Variants in SNAP91 observed in about 807,000 individuals in gnomAD.
SNAP91 encodes the protein clathrin coat assembly protein AP180.
Under a neutral mutation model 100.3 loss-of-function variants are expected in SNAP91, and 27 were observed. The observed-to-expected ratio is 0.27, with a 90% CI of 0.20 to 0.37. The LOEUF (loss-of-function observed/expected upper bound fraction) is 0.37, where lower values mean the gene tolerates loss of function less well. Ranked by LOEUF, SNAP91 falls within the 10% of genes least tolerant of loss-of-function variation. The pLI, the probability that SNAP91 is intolerant of heterozygous loss-of-function variation, is 1.00. For missense variants in SNAP91, 986 were observed against 1,123.7 expected (o/e 0.88, Z 1.75); for synonymous variants, 404 against 398.6 (o/e 1.01, Z -0.16).
At chr6:83,580,372 A>T in intron 24 of SNAP91, 78 bp downstream of exon 24, 2 of 1,207,340 alleles carry the variant, frequency 1.7e-6, no homozygotes, top group Non-Finnish European at 2.3e-6. Context: ...ATGAGATGAG[A>T]GAGAGAGAGA....
intron 25 of SNAP91, 115 bp from the exon 26 acceptor site, chr6:83,575,236 G>T: frequency 1.4e-6 from 1 of 734,814 alleles, no homozygotes; most frequent in Non-Finnish European, 2.3e-6. Context: ...ATTTAGTCAA[G>T]TGGTATAGTA....
At chr6:83,705,896 C>T (rs536838955) in intron 2 of SNAP91, among the ~76,000 whole-genome samples, 7 of 152,154 alleles carry the variant, frequency 4.6e-5, no homozygotes, top group Admixed American at 1.3e-4. Flanking sequence ...TCAGTTCGTG[C>T]TATATAGTAA....
intron 22 of SNAP91, among the ~76,000 whole-genome samples, chr6:83,590,627 T>G (rs147920983): frequency 1.1e-3 from 170 of 152,228 alleles, no homozygotes; most frequent in African/African-American, 3.9e-3. Context: ...CTGTAACAGT[T>G]TCTCTTGGAG....
intron 8 of SNAP91, among the ~76,000 whole-genome samples, chr6:83,627,144 A>G (rs1037832181): frequency 6.6e-6 from 1 of 152,064 alleles, no homozygotes; most frequent in Non-Finnish European, 1.5e-5. Flanking sequence ...TATGTGGTGA[A>G]TTACATTTAT....
chr6:83,579,291 C>A (rs1459345553), intron 24 of SNAP91, among the ~76,000 whole-genome samples: 1 of 152,166 alleles, frequency 6.6e-6, no homozygotes, highest in Non-Finnish European at 1.5e-5. Flanking sequence ...GCACTCTCAG[C>A]AGCTGGAGGC....
chr6:83,660,096 G>T lies in SNAP91; in HGVS notation c.453-1004C>A, dbSNP rs76215862. 7.1e-3 allele frequency among the ~76,000 whole-genome samples: 1,088 copies of T among 152,254 alleles called. 6 individuals carry two copies. Among genetic ancestry groups the T allele is most frequent in the Non-Finnish European group, 0.012 (835 of 68,030 alleles). On this transcript the variant is annotated intron_variant, in intron 5 of 29. Transcript: ENST00000369694. ...CATGCTGATCATGGCAACTTTCAGG[G>T]TCTCTCCCAGACCAACAGTGGAGAA...
intron 26 of SNAP91, 138 bp downstream of exon 26, chr6:83,574,872 A>G (rs1257729623): frequency 3.9e-6 from 2 of 517,614 alleles, no homozygotes; most frequent in Non-Finnish European, 6.8e-6. Flanking sequence ...CCTGGGCTGG[A>G]GTGCTACTTG....
chr6:83,676,886 A>T (rs78022964), intron 2 of SNAP91, among the ~76,000 whole-genome samples: 1 of 152,288 alleles, frequency 6.6e-6, no homozygotes, highest in East Asian at 1.9e-4. Flanking sequence ...AGAAGCAGGA[A>T]AACAAAAGGT....
chr6:83,640,187 A>G (rs1331643267), intron 8 of SNAP91, among the ~76,000 whole-genome samples: 1 of 152,160 alleles, frequency 6.6e-6, no homozygotes, highest in Non-Finnish European at 1.5e-5. Context: ...TCATGTGACA[A>G]TTATTACTTC....
intron 7 of SNAP91, among the ~76,000 whole-genome samples, chr6:83,644,085 ACTTCT>A (rs2097822920): frequency 6.6e-6 from 1 of 152,188 alleles, no homozygotes; most frequent in Admixed American, 6.6e-5. Flanking sequence ...TATCCAAATT[ACTTCT>A]CTTTAGTATA....
At chr6:83,597,486 A>T (rs1195475160) in intron 16 of SNAP91, among the ~76,000 whole-genome samples, 1 of 152,180 alleles carries the variant, frequency 6.6e-6, no homozygotes, top group Non-Finnish European at 1.5e-5. Context: ...GTTAATTTCT[A>T]CATTCTGTCA....
chr6:83,579,204 A>G (rs1824354335), intron 24 of SNAP91, among the ~76,000 whole-genome samples: 3 of 152,096 alleles, frequency 2.0e-5, no homozygotes, highest in African/African-American at 7.2e-5. Flanking sequence ...TTGTTTGGGT[A>G]TTGCTCTAGC....
chr6:83,690,222 C>T (rs2099113786), intron 2 of SNAP91: 6 of 986,826 alleles, frequency 6.1e-6, no homozygotes, highest in Non-Finnish European at 7.5e-6. Context: ...GGAATACTTA[C>T]TAATACTACT....
intron 26 of SNAP91, among the ~76,000 whole-genome samples, chr6:83,567,549 G>C (rs7753769): frequency 0.77 from 117,765 of 152,086 alleles, 46,044 homozygotes; most frequent in East Asian, 0.88. Context: ...AAACTACCAT[G>C]AGAGTGAACA....
chr6:83,623,387 ATTT>A, intron 8 of SNAP91, 45 bp from the exon 9 acceptor site: 1 of 1,397,086 alleles, frequency 7.2e-7, no homozygotes, highest in Non-Finnish European at 9.9e-7. Flanking sequence ...TTTAAAATTA[ATTT>A]TTTTCATTTA....
chr6:83,594,421 G>A lies in SNAP91; in HGVS notation c.1385C>T (p.Ala462Val), dbSNP rs2094216691. The change falls in exon 17 of 30, where the codon GCT (alanine) becomes GTT (valine). Residue 462 changes from alanine (A) to valine (V), a missense_variant. Ala to Val is a moderately conservative substitution (Grantham distance 64). Transcript: ENST00000369694. ...PAASEGAAAP[A>V]TPTPVAAALD... is the part of the protein sequence containing the mutation. ...TGCTGCTGCTACAGGGGTTGGGGTA[G>A]CTGGTGCGGCGGCCCCTTCGGATGC... is the stretch of plus-strand genomic sequence containing the variant. The A allele has an allele frequency of 6.4e-7, 1 of 1,553,176 alleles. No homozygotes were observed. Among genetic ancestry groups the A allele is most frequent in the East Asian group, 2.4e-5 (1 of 41,148 alleles).
chr6:83,691,871 G>T (rs2099134818), intron 2 of SNAP91, among the ~76,000 whole-genome samples: 1 of 152,006 alleles, frequency 6.6e-6, no homozygotes, highest in Non-Finnish European at 1.5e-5. Context: ...ACTAATAAAG[G>T]AAAGCCATAA....
intron 2 of SNAP91, among the ~76,000 whole-genome samples, chr6:83,683,086 C>T (rs1263653332): frequency 6.6e-6 from 1 of 152,082 alleles, no homozygotes; most frequent in Non-Finnish European, 1.5e-5. Flanking sequence ...GTGTGTCAAT[C>T]CTGACCTAGT....
Position 83,575,014 on chromosome 6 carries a change from G to T in SNAP91, c.2438C>A (p.Pro813His). 2 of 1,586,010 alleles carry T rather than the reference G, an allele frequency of 1.3e-6. No homozygotes were observed. Among genetic ancestry groups the T allele is most frequent in the Non-Finnish European group, 1.7e-6 (2 of 1,163,278 alleles). ...TGGGCTCTGATTGCTACATACCAAA[G>T]GTGCACTTGGTGGAACGCCTGCTGA... The part of the protein sequence containing the change: ...TWSAGVPPSA[P>H]LQGAVPPTSS... Residue 813 changes from proline (P) to histidine (H), a missense_variant, in exon 26 of 30, where the codon CCT becomes CAT. Physicochemically the swap from Pro to His is moderately conservative, Grantham distance 77. Around this residue, in one of 4 missense-constraint regions of SNAP91, gnomAD observed 575 missense variants for 579.9 expected, o/e 0.99. Transcript: ENST00000369694.
Sources: gnomAD v4.1 joint callset for allele counts (sites outside exome capture counted in the v4.1 genomes callset) on GRCh38, gnomAD v4.1.1 for gene constraint, gnomAD v4.1.1 regional missense constraint, MANE v1.5 for transcripts, NCBI Gene and HGNC (gene_info 2026-07-23, HGNC 2026-07-21) for gene names.